Variants in ACSL1 observed in about 807,000 individuals in gnomAD.
ACSL1 encodes acyl-CoA synthetase long chain family member 1.
In ACSL1, 41 loss-of-function variants were observed where a neutral mutation model predicts 98.4. That is an observed-to-expected ratio of 0.42 (90% confidence interval 0.32 to 0.54). The LOEUF is 0.54. Among genes scored for constraint, ACSL1 ranks in the 20% least tolerant of loss-of-function variants. ACSL1 has a pLI of 0.13. For synonymous variants in ACSL1, 316 were observed against 322.7 expected (o/e 0.98, Z 0.22); for missense variants, 734 against 883.1 (o/e 0.83, Z 2.14).
intron 1 of ACSL1, among the ~76,000 whole-genome samples, chr4:184,814,290 C>CAA (rs61541962): frequency 0.077 from 4,784 of 62,200 alleles, 331 homozygotes; most frequent in Non-Finnish European, 0.09. Flanking sequence ...GACTCCGCCT[C>CAA]AAAAAAAAAA....
intron 4 of ACSL1, among the ~76,000 whole-genome samples, chr4:184,783,266 G>A (rs1334369034): frequency 6.6e-6 from 1 of 152,214 alleles, no homozygotes; most frequent in African/African-American, 2.4e-5. Flanking sequence ...GTTGATGGGT[G>A]GGGACTAGAG....
rs988259105 is a variant in ACSL1, at chr4:184,757,547, C to A, written c.1956+88G>T. On this transcript the variant is annotated intron_variant, in intron 20 of 20. Coordinates refer to ENST00000281455, the MANE Select transcript of ACSL1 (RefSeq NM_001995.5). This position sits in a 1 kb window ranked among gnomAD's most constrained non-coding sequence, Gnocchi z 4.5. ...ATTCCTCATGTATGTCTTTAGGTCA[C>A]CCCATATGTTTATATAATCTACCTG... 3.2e-6 allele frequency: 4 copies of A among 1,258,194 alleles called. No individual in the cohort carries two copies. The highest frequency in any genetic ancestry group is 2.0e-5 in the Admixed American group (1 of 49,712). The allele number at this position is 1,258,194 out of a possible 1,614,324, so 77.9% of individuals were successfully genotyped here. A position where few individuals can be genotyped will look rare whatever the true frequency, so the allele number is the denominator to read the frequency against.
Position 184,803,527 on chromosome 4 carries a change from A to G in ACSL1, c.-13T>C, listed in dbSNP as rs1346889064. 6.6e-7 allele frequency: 1 copy of G among 1,505,360 alleles called. No homozygotes were observed. The highest frequency in any genetic ancestry group is 8.9e-7 in the Non-Finnish European group (1 of 1,121,292). The allele number at this position is 1,505,360 out of a possible 1,614,324, so 93.3% of individuals were successfully genotyped here. A position where few individuals can be genotyped will look rare whatever the true frequency, so the allele number is the denominator to read the frequency against. ...CATGGGCTTGCATTGTCCTGTGTTGATAGTTCTCTAAGCTGAATTCTGTTG... is the reference window on the plus strand; with the variant it reads ...CATGGGCTTGCATTGTCCTGTGTTGGTAGTTCTCTAAGCTGAATTCTGTTG... On this transcript the variant is annotated 5_prime_UTR_variant, in exon 2 of 21. Coordinates refer to ENST00000281455, the MANE Select transcript of ACSL1 (RefSeq NM_001995.5). This position sits in a 1 kb window ranked among gnomAD's most constrained non-coding sequence, Gnocchi z 4.8.
chr4:184,786,761 C>T (rs1380648180), intron 3 of ACSL1, among the ~76,000 whole-genome samples: 2 of 147,348 alleles, frequency 1.4e-5, no homozygotes, highest in Non-Finnish European at 3.0e-5. Context: ...TGGTGCAATC[C>T]TGGCTCACTG....
intron 7 of ACSL1, among the ~76,000 whole-genome samples, chr4:184,774,533 G>C (rs1470200759): frequency 6.6e-6 from 1 of 152,026 alleles, no homozygotes; most frequent in Non-Finnish European, 1.5e-5. Context: ...CATTGCGCGG[G>C]GACAGCATTT....
rs1321459690 is a variant in ACSL1 at position 184,780,383 on chromosome 4, G to A, written c.426C>T (p.Phe142=). 6.2e-7 allele frequency: 1 copy of A among 1,613,786 alleles called. No individual in the cohort carries two copies. Among genetic ancestry groups the A allele is most frequent in the South Asian group, 1.1e-5 (1 of 91,088 alleles). ...CAATGAACTGATCTGGGGCAGTCTT[G>A]AAGCCCTTCTGGATCAGTGCTGAGC... is the stretch of plus-strand genomic sequence containing the variant. ...CIGSALIQKG[F]KTAPDQFIGI... is the part of the protein sequence containing the mutation. Residue 142 remains phenylalanine, a synonymous_variant, in exon 5 of 21, where the codon TTC becomes TTT. Transcript: ENST00000281455.
chr4:184,817,848 G>A (rs545201678), intron 1 of ACSL1, among the ~76,000 whole-genome samples: 10 of 152,208 alleles, frequency 6.6e-5, no homozygotes, highest in East Asian at 1.9e-4. Context: ...CGAGACCCAC[G>A]CCAGGCTCCA....
chr4:184,808,223 A>G, intron 1 of ACSL1: 3 of 776,450 alleles, frequency 3.9e-6, no homozygotes, highest in Non-Finnish European at 4.7e-6. Context: ...TCTCTTGAAG[A>G]TACACATACA....
At chr4:184,810,973 T>G (rs1320425041) in intron 1 of ACSL1, among the ~76,000 whole-genome samples, 1 of 152,134 alleles carries the variant, frequency 6.6e-6, no homozygotes, top group African/African-American at 2.4e-5. Context: ...GAGAACAGGA[T>G]GAGTGCCTGG....
At chr4:184,791,940 C>T (rs531857226) in intron 2 of ACSL1, among the ~76,000 whole-genome samples, 3 of 152,300 alleles carry the variant, frequency 2.0e-5, no homozygotes, top group Non-Finnish European at 1.5e-5. Context: ...GACCATATCC[C>T]TTCAAGACAG....
chr4:184,806,530 G>T (rs1771443165), intron 1 of ACSL1, among the ~76,000 whole-genome samples: 1 of 152,144 alleles, frequency 6.6e-6, no homozygotes, highest in Admixed American at 6.5e-5. Flanking sequence ...CTGTTCAACA[G>T]GATCACATCC....
At chr4:184,820,985 G>C (rs574799270) in intron 1 of ACSL1, 2 of 455,728 alleles carry the variant, frequency 4.4e-6, no homozygotes, top group African/African-American at 2.0e-5. Flanking sequence ...GACTGCCTAG[G>C]TTCAAATTCT....
At chr4:184,812,740 G>A (rs923796990) in intron 1 of ACSL1, among the ~76,000 whole-genome samples, 10 of 152,106 alleles carry the variant, frequency 6.6e-5, no homozygotes, top group Non-Finnish European at 1.3e-4. Flanking sequence ...AGGCTGCCCC[G>A]GGGGAAGGGA....
At chr4:184,795,786 A>C (rs951807091) in intron 2 of ACSL1, among the ~76,000 whole-genome samples, 1 of 152,242 alleles carries the variant, frequency 6.6e-6, no homozygotes, top group Non-Finnish European at 1.5e-5. Flanking sequence ...AAGAAAATGT[A>C]ATTTAGCAAG....
At chr4:184,798,005 C>T (rs562638001) in intron 2 of ACSL1, among the ~76,000 whole-genome samples, 2 of 152,316 alleles carry the variant, frequency 1.3e-5, no homozygotes, top group Non-Finnish European at 2.9e-5. Flanking sequence ...TATGGATGTA[C>T]AAATTTCAAT....
Position 184,773,434 on chromosome 4 carries a change from G to C in ACSL1, c.841+229C>G, listed in dbSNP as rs1764804073. On this transcript the variant is annotated intron_variant, in intron 9 of 20. Transcript: ENST00000281455. This position sits in a 1 kb window ranked among gnomAD's most constrained non-coding sequence, Gnocchi z 4.3. ...GGAGCCACCGATATAGTCTGTCCTAGGAAGACAGGTGAATCTAATATCACC... is the reference window on the plus strand; with the variant it reads ...GGAGCCACCGATATAGTCTGTCCTACGAAGACAGGTGAATCTAATATCACC... 6.6e-6 allele frequency among the ~76,000 whole-genome samples: 1 copy of C among 152,276 alleles called. No individual in the cohort carries two copies. Among genetic ancestry groups the C allele is most frequent in the Admixed American group, 6.5e-5 (1 of 15,288 alleles).
intron 2 of ACSL1, among the ~76,000 whole-genome samples, chr4:184,793,279 GC>G (rs1290546250): frequency 6.6e-6 from 1 of 151,706 alleles, no homozygotes; most frequent in Non-Finnish European, 1.5e-5. Flanking sequence ...ATCTCTACAA[GC>G]TCAGGTTCCT....
intron 2 of ACSL1, among the ~76,000 whole-genome samples, chr4:184,802,923 C>T (rs2150441391): frequency 6.6e-6 from 1 of 152,322 alleles, no homozygotes; most frequent in South Asian, 2.1e-4. Flanking sequence ...GTCAGATGTA[C>T]CACGAGTGCA....
At chr4:184,817,198 C>T (rs1647768833) in intron 1 of ACSL1, among the ~76,000 whole-genome samples, 1 of 152,074 alleles carries the variant, frequency 6.6e-6, no homozygotes, top group Non-Finnish European at 1.5e-5. Context: ...TTGACAAATT[C>T]TTTCCTTTTT....
Sources: allele counts gnomAD v4.1 joint callset (sites outside exome capture counted in the v4.1 genomes callset), GRCh38; gene constraint gnomAD v4.1.1; non-coding constraint Gnocchi (gnomAD v3.1); transcripts MANE v1.5; gene names NCBI Gene and HGNC (gene_info 2026-07-23, HGNC 2026-07-21).